Variants in DCLK1 observed in about 807,000 individuals in gnomAD.
DCLK1 encodes the protein serine/threonine-protein kinase DCLK1.
A neutral mutation model predicts 86.2 loss-of-function variants in DCLK1; 16 were observed. The ratio of observed to expected loss-of-function variants is 0.19; its 90% CI spans 0.13 to 0.28. DCLK1 has a LOEUF of 0.28. Ranked by LOEUF, DCLK1 falls within the 10% of genes least tolerant of loss-of-function variation. The probability of loss-of-function intolerance (pLI) is 1.00; values close to 1 mark genes in which losing one functional copy is unlikely to be tolerated. For missense variants in DCLK1, 590 were observed against 940.2 expected (o/e 0.63, Z 4.87); for synonymous variants, 369 against 370.5 (o/e 1.00, Z 0.05).
chr13:35,857,277 TA>T (rs1871116007), intron 5 of DCLK1, among the ~76,000 whole-genome samples: 1 of 152,162 alleles, frequency 6.6e-6, no homozygotes, highest in South Asian at 2.1e-4. Flanking sequence ...TTTGCTCATT[TA>T]TAGTAAAAAA....
intron 3 of DCLK1, among the ~76,000 whole-genome samples, chr13:36,095,486 G>A (rs567392240): frequency 3.9e-5 from 6 of 152,224 alleles, no homozygotes; most frequent in African/African-American, 1.4e-4. Flanking sequence ...GAGTCCAGGT[G>A]TGAGCCACTG....
rs1208732080 is a variant in DCLK1, at chr13:36,017,116, AT to A, written c.724-69660del. ...TGAATCCCTGTGAAAGCAAAGATGT[AT>A]TTTTTTGAAAGGTAATAACATTTTT... is the stretch of plus-strand genomic sequence containing the variant. On this transcript the variant is annotated intron_variant, in intron 3 of 16. Coordinates refer to ENST00000360631, the MANE Select transcript of DCLK1 (RefSeq NM_001330071.2). Among the ~76,000 whole-genome samples, 4 of 152,320 alleles carry A rather than the reference AT, an allele frequency of 2.6e-5. No homozygotes were observed. The East Asian group carries it at 5.8e-4, about 22-fold the overall frequency.
In DCLK1 at chr13:35,936,962, C is replaced by CTTTT. The variant is rs140269668; in HGVS notation, c.823+10392_823+10395dup. ...TTAAAACATCCAAAAGAAAAGTTAG[C>CTTTT]TTTTTTTTTTTTTTTTTTTTTTTTT... On this transcript the variant is annotated intron_variant, in intron 4 of 16. Transcript: ENST00000360631. Among the ~76,000 whole-genome samples the CTTTT allele has an allele frequency of 6.6e-3, 435 of 65,726 alleles. 41 individuals are homozygous for CTTTT. Among genetic ancestry groups the CTTTT allele is most frequent in the Non-Finnish European group, 0.011 (374 of 33,700 alleles). 43.1% of individuals were successfully genotyped at this position (65,726 alleles called of 152,430 possible). A position where few individuals can be genotyped will look rare whatever the true frequency, so the allele number is the denominator to read the frequency against.
intron 5 of DCLK1, among the ~76,000 whole-genome samples, chr13:35,862,434 T>G (rs1871469603): frequency 6.6e-6 from 1 of 152,238 alleles, no homozygotes; most frequent in South Asian, 2.1e-4. Flanking sequence ...GACAATTTCA[T>G]TCCAGGATGA....
intron 4 of DCLK1, among the ~76,000 whole-genome samples, chr13:35,875,554 A>C (rs1440793439): frequency 6.6e-6 from 1 of 152,214 alleles, no homozygotes; most frequent in Non-Finnish European, 1.5e-5. Flanking sequence ...TCTGTGAGGC[A>C]GCTCTTCTTA....
chr13:36,100,179 CAAAAAAAAAAAAAAAAAAAAAA>C (rs58824322), intron 3 of DCLK1, among the ~76,000 whole-genome samples: 1 of 37,686 alleles, frequency 2.7e-5, no homozygotes, highest in African/African-American at 1.1e-4. Context: ...CCTGTCTCTA[CAAAAAAAAAAAAAAAAAAAAAA>C]AAAAAAAAAA....
At chr13:35,818,585 T>C (rs1292740211) in intron 11 of DCLK1, among the ~76,000 whole-genome samples, 1 of 152,136 alleles carries the variant, frequency 6.6e-6, no homozygotes, top group Non-Finnish European at 1.5e-5. Flanking sequence ...CTATGTTTGT[T>C]TCTGGAATCT....
At chr13:35,978,271 T>C (rs1404554719) in intron 3 of DCLK1, among the ~76,000 whole-genome samples, 2 of 144,316 alleles carry the variant, frequency 1.4e-5, no homozygotes, top group African/African-American at 2.6e-5. Flanking sequence ...AGTAGTACGA[T>C]CTCGGCTCAT....
intron 3 of DCLK1, among the ~76,000 whole-genome samples, chr13:36,023,901 C>CTTTTTTTTTTTTT (rs59071937): frequency 7.8e-6 from 1 of 128,530 alleles, no homozygotes; most frequent in Non-Finnish European, 1.6e-5. Flanking sequence ...TTCTTTCTTT[C>CTTTTTTTTTTTTT]TTTTTTTTTT....
chr13:35,833,119 C>T (rs762376922), intron 8 of DCLK1, among the ~76,000 whole-genome samples: 4 of 152,074 alleles, frequency 2.6e-5, no homozygotes, highest in Non-Finnish European at 4.4e-5. Context: ...CATCCTCAGG[C>T]TTATAGGTGC....
intron 4 of DCLK1, among the ~76,000 whole-genome samples, chr13:35,928,626 T>C (rs1312369063): frequency 2.0e-5 from 3 of 152,340 alleles, no homozygotes; most frequent in East Asian, 3.9e-4. Context: ...TCTGATAAGA[T>C]GTAAGCTCTA....
chr13:35,903,064 TTC>T, intron 4 of DCLK1, among the ~76,000 whole-genome samples: 1 of 152,312 alleles, frequency 6.6e-6, no homozygotes, highest in Middle Eastern at 3.4e-3. Context: ...TTCAGCAGCC[TTC>T]TCAGTGACAA....
intron 3 of DCLK1, among the ~76,000 whole-genome samples, chr13:36,066,664 G>A (rs529332465): frequency 1.9e-3 from 292 of 152,020 alleles, no homozygotes; most frequent in African/African-American, 6.7e-3. Flanking sequence ...CTCATCTGAC[G>A]AAGGGCTAAT....
chr13:36,026,603 C>T (rs1044519019), intron 3 of DCLK1, among the ~76,000 whole-genome samples: 5 of 152,104 alleles, frequency 3.3e-5, no homozygotes, highest in East Asian at 1.9e-4. Flanking sequence ...TAAATGGAAT[C>T]GACAAAAAAT....
chr13:35,774,489 CAG>C lies in DCLK1; in HGVS notation c.*44_*45del, dbSNP rs1566524518. The C allele has an allele frequency of 1.3e-6, 2 of 1,541,806 alleles. No individual in the cohort carries two copies. Among genetic ancestry groups the C allele is most frequent in the Non-Finnish European group, 1.8e-6 (2 of 1,141,210 alleles). ...ACACAAATTTGGGGGAAAAAAATCT[CAG>C]AGTCTCAAAGGGTTAAGCTAGGACT... On this transcript the variant is annotated 3_prime_UTR_variant, in exon 17 of 17. Coordinates refer to ENST00000360631, the MANE Select transcript of DCLK1 (RefSeq NM_001330071.2).
rs1398390392 is a variant in DCLK1, at chr13:35,947,365, A to C, written c.816T>G (p.Asp272Glu). 1 of 1,613,472 alleles carries C rather than the reference A, an allele frequency of 6.2e-7. No homozygotes were observed. The highest frequency in any genetic ancestry group is 8.5e-7 in the Non-Finnish European group (1 of 1,179,704). Residue 272 changes from aspartate to glutamate, a missense_variant, in exon 4 of 17, where the codon GAT (aspartate) becomes GAG (glutamate). By Grantham distance (45) the Asp-to-Glu change is conservative. Transcript: ENST00000360631. Reference protein sequence around the residue: ...KFRYQDDFLLDESECRVVKST... With the variant: ...KFRYQDDFLLEESECRVVKST... ...AACTTTTTTTTTCCTTACCACTTTCATCTAGCAAGAAATCATCCTGGTAAC... is the reference window on the plus strand; with the variant it reads ...AACTTTTTTTTTCCTTACCACTTTCCTCTAGCAAGAAATCATCCTGGTAAC...
At chr13:35,887,022 T>A (rs1047537895) in intron 4 of DCLK1, among the ~76,000 whole-genome samples, 1 of 152,212 alleles carries the variant, frequency 6.6e-6, no homozygotes, top group African/African-American at 2.4e-5. Flanking sequence ...GAATCCCAAC[T>A]GCCCTAAATG....
In DCLK1 at chr13:35,769,232, T is replaced by C. The variant is rs9574539; in HGVS notation, c.*5303A>G. On this transcript the variant is annotated 3_prime_UTR_variant, in exon 17 of 17. Transcript: ENST00000360631. The stretch of plus-strand genomic sequence containing the variant: ...ATTCTGAAAATCAAAGATTAACCTA[T>C]GCCATCTGATCCATGCAGCAAGTGA... 1.3e-5 allele frequency: 2 copies of C among 152,322 alleles called. No homozygotes were observed. The highest frequency in any genetic ancestry group is 2.9e-5 in the Non-Finnish European group (2 of 68,028). 9.4% of individuals were successfully genotyped at this position (152,322 alleles called of 1,614,324 possible). A position where few individuals can be genotyped will look rare whatever the true frequency, so the allele number is the denominator to read the frequency against.
At chr13:35,780,764 G>A (rs1007425345) in intron 16 of DCLK1, among the ~76,000 whole-genome samples, 4 of 152,258 alleles carry the variant, frequency 2.6e-5, no homozygotes. Context: ...TAGATCAAGT[G>A]TGAAAGCAGA....
Sources: allele counts gnomAD v4.1 joint callset (sites outside exome capture counted in the v4.1 genomes callset), GRCh38; gene constraint gnomAD v4.1.1; transcripts MANE v1.5; gene names NCBI Gene and HGNC (gene_info 2026-07-23, HGNC 2026-07-21).